The following BIRC6 variants were observed in gnomAD, a reference collection of about 807,000 sequenced individuals.
BIRC6 encodes the protein baculoviral IAP repeat containing 6, also known as dual E2 ubiquitin-conjugating enzyme/E3 ubiquitin-protein ligase BIRC6.
A neutral mutation model predicts 503.3 loss-of-function variants in BIRC6; 98 were observed. The ratio of observed to expected loss-of-function variants is 0.19; its 90% CI spans 0.17 to 0.23. BIRC6 has a LOEUF of 0.23. Ranked by LOEUF, BIRC6 falls within the 10% of genes least tolerant of loss-of-function variation. The pLI is 1.00. For missense variants in BIRC6, 5,360 were observed against 5,806.0 expected (o/e 0.92, Z 2.50); for synonymous variants, 2,240 against 2,078.7 (o/e 1.08, Z -2.11).
intron 45 of BIRC6, among the ~76,000 whole-genome samples, chr2:32,497,873 TCTATATAGA>T (rs1159387391): frequency 7.2e-5 from 11 of 152,166 alleles, no homozygotes; most frequent in Non-Finnish European, 1.6e-4. Flanking sequence ...TCAGAATTGG[TCTATATAGA>T]CTATATAGAC....
chr2:32,396,415 GA>G (rs1235456076), intron 6 of BIRC6, among the ~76,000 whole-genome samples: 1 of 152,230 alleles, frequency 6.6e-6, no homozygotes, highest in African/African-American at 2.4e-5. Flanking sequence ...TGAAGTCTCT[GA>G]ATGTTAAATC....
rs979139235 is a variant in BIRC6, at chr2:32,585,020, C to A, written c.13356-8895C>A. ...CCCCAAAGCCTTAGATTCTGGCTTA[C>A]TTCTTTAGTTTTATAATTTAGTCAT... On this transcript the variant is annotated intron_variant, in intron 66 of 73. Transcript: ENST00000421745. Among the ~76,000 whole-genome samples, 6 of 152,122 alleles carry A rather than the reference C, an allele frequency of 3.9e-5. No homozygotes were observed. The South Asian group carries it at 1.2e-3, about 31-fold the overall frequency.
chr2:32,558,892 T>A (rs2058965732), intron 65 of BIRC6: 1 of 152,232 alleles, frequency 6.6e-6, no homozygotes, highest in Non-Finnish European at 1.5e-5. Flanking sequence ...TAAGTCACAC[T>A]GTAAATAGGC....
At chr2:32,507,366 G>A (rs1447993066) in intron 50 of BIRC6, among the ~76,000 whole-genome samples, 1 of 152,156 alleles carries the variant, frequency 6.6e-6, no homozygotes, top group Non-Finnish European at 1.5e-5. Context: ...GGAGTTGGAG[G>A]TTGCAGTGAG....
chr2:32,557,479 T>C (rs1464380467), intron 65 of BIRC6: 2 of 152,238 alleles, frequency 1.3e-5, no homozygotes, highest in Non-Finnish European at 2.9e-5. Context: ...TTCATTGCTT[T>C]GTCCTGTTTT....
intron 66 of BIRC6, chr2:32,590,744 A>G (rs990697428): frequency 3.3e-5 from 32 of 968,374 alleles, no homozygotes; most frequent in Admixed American, 6.2e-5. Flanking sequence ...CATAGTGGAA[A>G]ATGTTTGCAG....
chr2:32,473,089 T>C, intron 32 of BIRC6, 23 bp from the exon 33 acceptor site: 1 of 1,540,152 alleles, frequency 6.5e-7, no homozygotes, highest in African/African-American at 1.4e-5. Context: ...GAATTATTAA[T>C]ACAAGTTTTC....
At chr2:32,492,001 T>C (rs984415860) in intron 44 of BIRC6, among the ~76,000 whole-genome samples, 3 of 152,156 alleles carry the variant, frequency 2.0e-5, no homozygotes, top group African/African-American at 4.8e-5. Context: ...ATAAACATTT[T>C]CTGTTTCACT....
At chr2:32,586,265 C>G (rs568265727) in intron 66 of BIRC6, among the ~76,000 whole-genome samples, 1 of 150,116 alleles carries the variant, frequency 6.7e-6, no homozygotes, top group Non-Finnish European at 1.5e-5. Flanking sequence ...AAAAAAACAA[C>G]TTAAAAAAAA....
intron 1 of BIRC6, among the ~76,000 whole-genome samples, chr2:32,370,715 GGGTACATAGTAGGTGTATATATTT>G: frequency 6.6e-6 from 1 of 152,008 alleles, no homozygotes; most frequent in South Asian, 2.1e-4. Context: ...AAATTCTTGT[GGGTACATAGTAGGTGTATATATTT>G]TTGGGTTACA....
At chr2:32,553,857 T>G (rs1353420354) in intron 65 of BIRC6, among the ~76,000 whole-genome samples, 1 of 152,224 alleles carries the variant, frequency 6.6e-6, no homozygotes, top group Non-Finnish European at 1.5e-5. Context: ...TCTTATTGCT[T>G]ACTAAAATAA....
intron 6 of BIRC6, among the ~76,000 whole-genome samples, chr2:32,397,746 G>T (rs1013547309): frequency 6.7e-6 from 1 of 149,762 alleles, no homozygotes; most frequent in Non-Finnish European, 1.5e-5. Context: ...TATTTTTTAG[G>T]TCCCTATGCC....
At chr2:32,500,929 A>G (rs1014961384) in intron 46 of BIRC6, among the ~76,000 whole-genome samples, 19 of 151,280 alleles carry the variant, frequency 1.3e-4, no homozygotes, top group Non-Finnish European at 2.7e-4. Flanking sequence ...TACAGACGGG[A>G]TTTCACCATG....
intron 8 of BIRC6, among the ~76,000 whole-genome samples, chr2:32,402,151 T>A (rs1241506087): frequency 6.6e-6 from 1 of 152,196 alleles, no homozygotes; most frequent in Non-Finnish European, 1.5e-5. Context: ...AATATTTTGG[T>A]AAAATTGCTG....
At chr2:32,410,704 C>CT (rs1404812049) in intron 9 of BIRC6, among the ~76,000 whole-genome samples, 2,046 of 142,754 alleles carry the variant, frequency 0.014, 30 homozygotes, top group African/African-American at 0.044. Context: ...TGGGCAACTT[C>CT]TTTTTTTTTT....
intron 71 of BIRC6, among the ~76,000 whole-genome samples, chr2:32,603,331 C>A (rs1397567377): frequency 6.6e-6 from 1 of 152,030 alleles, no homozygotes; most frequent in Non-Finnish European, 1.5e-5. Context: ...AAAAAAAATT[C>A]CAGGCCAGGC....
At chr2:32,460,268 ATATATTTTTTT>A (rs1354181724) in intron 23 of BIRC6, among the ~76,000 whole-genome samples, 5 of 25,992 alleles carry the variant, frequency 1.9e-4, no homozygotes, top group African/African-American at 7.4e-4. Context: ...ATATATATAT[ATATATTTTTTT>A]TTTTTTTTTT....
intron 23 of BIRC6, among the ~76,000 whole-genome samples, chr2:32,460,142 A>G (rs1398117432): frequency 8.5e-6 from 1 of 117,322 alleles, no homozygotes; most frequent in Non-Finnish European, 1.9e-5. Context: ...TCATATATGT[A>G]TTATATTATA....
chr2:32,424,133 C>G (rs1414918487), intron 10 of BIRC6, among the ~76,000 whole-genome samples: 2 of 152,138 alleles, frequency 1.3e-5, no homozygotes, highest in East Asian at 3.9e-4. Context: ...AACAAATCTT[C>G]TGTTTGTGAA....
Sources: gnomAD v4.1 joint callset for allele counts (sites outside exome capture counted in the v4.1 genomes callset) on GRCh38, gnomAD v4.1.1 for gene constraint, MANE v1.5 for transcripts, NCBI Gene and HGNC (gene_info 2026-07-23, HGNC 2026-07-21) for gene names.